The following DMD variants were observed in gnomAD, a reference collection of about 807,000 sequenced individuals.
DMD encodes dystrophin.
A neutral mutation model predicts 330.1 loss-of-function variants in DMD; 63 were observed. That is an observed-to-expected ratio of 0.19 (90% confidence interval 0.16 to 0.24). The LOEUF (loss-of-function observed/expected upper bound fraction) is 0.24, where lower values mean the gene tolerates loss of function less well. Ranked by LOEUF, DMD falls within the 10% of genes least tolerant of loss-of-function variation. The probability of loss-of-function intolerance (pLI) is 1.00; values close to 1 mark genes in which losing one functional copy is unlikely to be tolerated. For synonymous variants in DMD, 1,223 were observed against 959.8 expected, an observed-to-expected ratio of 1.27 and a Z score of -5.07; for missense variants, 3,344 against 2,684.1, an observed-to-expected ratio of 1.25 and a Z score of -5.43.
chrX:33,285,349 C>A (rs2053416470), intron 1 of DMD, among the ~76,000 whole-genome samples: 1 of 110,596 alleles, frequency 9.0e-6, no homozygotes, highest in Non-Finnish European at 1.9e-5. Flanking sequence ...AGTGGAGAAG[C>A]AAACTTGATA....
At chrX:32,625,482 T>G (rs1325136223) in intron 11 of DMD, among the ~76,000 whole-genome samples, 1 of 112,135 alleles carries the variant, frequency 8.9e-6, no homozygotes, top group African/African-American at 3.2e-5. Flanking sequence ...TATTTGCAAG[T>G]ACTTATCCAT....
chrX:32,715,999 A>G (rs1313560289), intron 7 of DMD, among the ~76,000 whole-genome samples: 1 of 111,657 alleles, frequency 9.0e-6, no homozygotes, highest in Non-Finnish European at 1.9e-5. Flanking sequence ...CATTTTACAT[A>G]ATGAGAAAAT....
chrX:32,331,417 A>T (rs980727807), intron 41 of DMD, among the ~76,000 whole-genome samples: 2 of 111,881 alleles, frequency 1.8e-5, no homozygotes, highest in Non-Finnish European at 3.8e-5. Flanking sequence ...GTAACATTAT[A>T]TGATAGTAAA....
chrX:33,285,225 G>T (rs998864441), intron 1 of DMD, among the ~76,000 whole-genome samples: 1 of 111,463 alleles, frequency 9.0e-6, no homozygotes, highest in Non-Finnish European at 1.9e-5. Context: ...CAAAGCATAG[G>T]TTGTGTAATA....
At chrX:31,347,682 G>C (rs1292256115) in intron 61 of DMD, among the ~76,000 whole-genome samples, 1 of 112,445 alleles carries the variant, frequency 8.9e-6, no homozygotes, top group Non-Finnish European at 1.9e-5. Context: ...ACAGTGCTGT[G>C]ATAAGCATGC....
At chrX:31,359,524 C>T (rs1319212093) in intron 60 of DMD, among the ~76,000 whole-genome samples, 2 of 112,094 alleles carry the variant, frequency 1.8e-5, no homozygotes, top group Admixed American at 9.4e-5. Flanking sequence ...AATAGAAATA[C>T]CACATAACAA....
chrX:32,030,975 A>G (rs2147246290), intron 44 of DMD, among the ~76,000 whole-genome samples: 1 of 111,921 alleles, frequency 8.9e-6, no homozygotes, highest in Admixed American at 9.5e-5. Context: ...TGCTTTCTTT[A>G]GTATCACAAA....
At chrX:32,832,768 TGA>T (rs2079257584) in intron 4 of DMD, among the ~76,000 whole-genome samples, 1 of 111,923 alleles carries the variant, frequency 8.9e-6, no homozygotes, top group South Asian at 3.7e-4. Flanking sequence ...TTTCTTCCAT[TGA>T]GAGATGCATG....
chrX:31,241,173 G>T (rs2048240432), intron 63 of DMD, among the ~76,000 whole-genome samples: 1 of 111,379 alleles, frequency 9.0e-6, no homozygotes, highest in African/African-American at 3.3e-5. Flanking sequence ...TCTTTCTTCG[G>T]TTCCCCTTTT....
chrX:32,736,878 G>C (rs1260613702), intron 7 of DMD, among the ~76,000 whole-genome samples: 1 of 109,550 alleles, frequency 9.1e-6, no homozygotes, highest in East Asian at 2.9e-4. Flanking sequence ...TAACTAACCT[G>C]CACAATGTGC....
intron 34 of DMD, among the ~76,000 whole-genome samples, chrX:32,374,909 G>A (rs186838643): frequency 8.9e-6 from 1 of 111,810 alleles, no homozygotes; most frequent in East Asian, 2.8e-4. Context: ...AACAGAGAAA[G>A]GGATATGGAG....
At chrX:32,491,144 G>A (rs1163621009) in intron 20 of DMD, 133 bp downstream of exon 20, 1 of 815,866 alleles carries the variant, frequency 1.2e-6, no homozygotes, top group African/African-American at 2.0e-5. Flanking sequence ...CTTACATTTT[G>A]AACTTTATTG....
chrX:31,878,107 G>C (rs919109590), intron 47 of DMD, among the ~76,000 whole-genome samples: 4 of 111,809 alleles, frequency 3.6e-5, no homozygotes, highest in Non-Finnish European at 1.9e-5. Flanking sequence ...CCTTGTAATA[G>C]AGGTAAAACA....
intron 9 of DMD, among the ~76,000 whole-genome samples, chrX:32,691,698 C>G (rs991667013): frequency 9.0e-6 from 1 of 111,435 alleles, no homozygotes. Flanking sequence ...TGAAGGGATA[C>G]CTGCAATGCC....
chrX:31,282,222 G>C (rs183543186), intron 62 of DMD, among the ~76,000 whole-genome samples: 2 of 111,835 alleles, frequency 1.8e-5, no homozygotes, highest in Non-Finnish European at 3.8e-5. Context: ...ATTTTAACTA[G>C]AGCTAAATAA....
intron 2 of DMD, among the ~76,000 whole-genome samples, chrX:32,852,989 T>C (rs1042519064): frequency 4.5e-5 from 5 of 111,676 alleles, no homozygotes; most frequent in African/African-American, 1.6e-4. Context: ...AGAGAAAAGA[T>C]ACATTCCAAA....
chrX:31,234,010 G>A (rs2047474610), intron 63 of DMD, among the ~76,000 whole-genome samples: 1 of 112,026 alleles, frequency 8.9e-6, no homozygotes, highest in South Asian at 3.7e-4. Flanking sequence ...TTCTCTGGAA[G>A]AACCTGAAGA....
intron 1 of DMD, among the ~76,000 whole-genome samples, chrX:33,266,286 G>T (rs904507750): frequency 8.9e-6 from 1 of 111,818 alleles, no homozygotes; most frequent in Admixed American, 9.5e-5. Flanking sequence ...GTCTTACAAC[G>T]TAGATGATTT....
Position 32,699,128 on chromosome X carries a change from A to T in DMD, c.815T>A (p.Met272Lys). The change falls in exon 8 of 79, where the codon ATG (methionine) becomes AAG (lysine). Residue 272 changes from methionine (M) to lysine (K), a missense_variant. Transcript: ENST00000357033. ...KEEHFQLHHQMHYSQQITVSL... is the reference protein window; with the variant it reads ...KEEHFQLHHQKHYSQQITVSL... ...ACACTTTACCTGTTGAGAATAGTGC[A>T]TTTGATGATGTAACTGAAAATGTTC... 8.3e-7 allele frequency: 1 copy of T among 1,210,183 alleles called. No individual in the cohort carries two copies.
Sources: allele counts gnomAD v4.1 joint callset (sites outside exome capture counted in the v4.1 genomes callset), GRCh38; gene constraint gnomAD v4.1.1; transcripts MANE v1.5; gene names NCBI Gene and HGNC (gene_info 2026-07-23, HGNC 2026-07-21).